The following ZBTB20 variants were observed in gnomAD, a reference collection of about 807,000 sequenced individuals.
The protein encoded by ZBTB20 is zinc finger and BTB domain containing 20, also known as zinc finger and BTB domain-containing protein 20.
In ZBTB20, 9 loss-of-function variants were observed where a neutral mutation model predicts 56.9. The observed-to-expected ratio is 0.16, with a 90% CI of 0.10 to 0.28. ZBTB20 has a LOEUF of 0.28. Among genes scored for constraint, ZBTB20 ranks in the 10% least tolerant of loss-of-function variants. The probability of loss-of-function intolerance (pLI) is 1.00; values close to 1 mark genes in which losing one functional copy is unlikely to be tolerated. For missense variants in ZBTB20, 655 were observed against 1,003.0 expected, an observed-to-expected ratio of 0.65 and a Z score of 4.69; for synonymous variants, 417 against 420.7, an observed-to-expected ratio of 0.99 and a Z score of 0.11.
chr3:114,755,569 T>C (rs1305987856), intron 5 of ZBTB20, among the ~76,000 whole-genome samples: 1 of 152,220 alleles, frequency 6.6e-6, no homozygotes, highest in Non-Finnish European at 1.5e-5. Flanking sequence ...ATATATGTAT[T>C]TATTTACATG....
chr3:115,056,685 G>A (rs896874949), intron 2 of ZBTB20, among the ~76,000 whole-genome samples: 11 of 152,018 alleles, frequency 7.2e-5, no homozygotes, highest in African/African-American at 2.7e-4. Context: ...GCATCAGGAG[G>A]ATCTTCTGTT....
chr3:114,522,327 AG>A (rs35201400), intron 6 of ZBTB20, among the ~76,000 whole-genome samples: 53,863 of 151,838 alleles, frequency 0.35, 10,543 homozygotes, highest in African/African-American at 0.53. Flanking sequence ...GAGGTTAGGA[AG>A]GGGGTCAATG....
At chr3:114,459,381 T>C (rs1409979184) in intron 7 of ZBTB20, among the ~76,000 whole-genome samples, 3 of 152,168 alleles carry the variant, frequency 2.0e-5, no homozygotes, top group Non-Finnish European at 4.4e-5. Context: ...CATGCTCTTA[T>C]CTGAGAACAA....
rs115390361 is a variant in ZBTB20 at position 114,632,866 on chromosome 3, T to C, written c.-295+60662A>G. 2.7e-3 allele frequency among the ~76,000 whole-genome samples: 411 copies of C among 152,304 alleles called. 1 individual carries two copies. Among genetic ancestry groups the C allele is most frequent in the African/African-American group, 9.4e-3 (390 of 41,576 alleles). ...TGGCACAAGAATCATTCTCTTAATGTCAGGGTTTCCAAGTGGAGGAGACTA... is the reference window on the plus strand; with the variant it reads ...TGGCACAAGAATCATTCTCTTAATGCCAGGGTTTCCAAGTGGAGGAGACTA... On this transcript the variant is annotated intron_variant, in intron 6 of 11. Coordinates refer to ENST00000675478, the MANE Select transcript of ZBTB20 (RefSeq NM_001348800.3).
At chr3:114,692,929 T>C (rs1167936368) in intron 6 of ZBTB20, among the ~76,000 whole-genome samples, 1 of 152,162 alleles carries the variant, frequency 6.6e-6, no homozygotes, top group African/African-American at 2.4e-5. Context: ...TTTATGTCTT[T>C]GAAGGGTATT....
At chr3:115,012,391 G>A (rs967026466) in intron 2 of ZBTB20, among the ~76,000 whole-genome samples, 9 of 151,666 alleles carry the variant, frequency 5.9e-5, no homozygotes, top group Admixed American at 5.9e-4. Flanking sequence ...CCATGCCAAT[G>A]GAAACTAAAA....
In ZBTB20 at chr3:114,593,202, G is replaced by A. The variant is rs75578383; in HGVS notation, c.-294-92811C>T. Among the ~76,000 whole-genome samples, 883 of 152,182 alleles carry A rather than the reference G, an allele frequency of 5.8e-3. 8 individuals are homozygous for A. The highest frequency in any genetic ancestry group is 0.02 in the African/African-American group (839 of 41,540). Reference sequence around the variant, plus strand: ...AGTAGATATTTTGAGGTATTAAAAAGCGTTCTTTTATTAGTGATAACACCT... The same window carrying A: ...AGTAGATATTTTGAGGTATTAAAAAACGTTCTTTTATTAGTGATAACACCT... On this transcript the variant is annotated intron_variant, in intron 6 of 11. Transcript: ENST00000675478.
intron 2 of ZBTB20, among the ~76,000 whole-genome samples, chr3:115,064,522 G>C (rs933410182): frequency 7.0e-6 from 1 of 141,962 alleles, no homozygotes; most frequent in African/African-American, 2.6e-5. Flanking sequence ...CAAAATCTTG[G>C]CTCACTGCAA....
At chr3:114,756,962 T>A (rs2068050673) in intron 5 of ZBTB20, among the ~76,000 whole-genome samples, 1 of 152,180 alleles carries the variant, frequency 6.6e-6, no homozygotes, top group Non-Finnish European at 1.5e-5. Flanking sequence ...ATAATGTCAA[T>A]TTTCACTTTA....
intron 6 of ZBTB20, among the ~76,000 whole-genome samples, chr3:114,656,165 TC>T (rs1443971135): frequency 6.6e-6 from 1 of 152,218 alleles, no homozygotes; most frequent in Non-Finnish European, 1.5e-5. Context: ...GTTTGATTAT[TC>T]CCCTGTAGGT....
In ZBTB20 at chr3:114,339,464, G is replaced by A. The variant is rs140818770; in HGVS notation, c.1805-38C>T. On this transcript the variant is annotated intron_variant, in intron 11 of 11. Transcript: ENST00000675478. The surrounding 1 kb of genome is among the most constrained non-coding windows in gnomAD (Gnocchi z 4.2). Reference sequence around the variant, plus strand: ...GAAGAGACAGCAAGCAGGACAGAGCGAGACATAGCAAGGGATAGAGAATGA... The same window carrying A: ...GAAGAGACAGCAAGCAGGACAGAGCAAGACATAGCAAGGGATAGAGAATGA... 3.5e-5 allele frequency: 56 copies of A among 1,586,492 alleles called. No homozygotes were observed. The African/African-American group carries it at 3.8e-4, about 11-fold the overall frequency.
intron 3 of ZBTB20, among the ~76,000 whole-genome samples, chr3:114,945,674 T>C (rs577318639): frequency 1.4e-5 from 2 of 145,602 alleles, no homozygotes; most frequent in South Asian, 2.1e-4. Flanking sequence ...AGTAAGATGA[T>C]AGAATTAAAT....
chr3:115,018,141 T>A (rs1394899165), intron 2 of ZBTB20, among the ~76,000 whole-genome samples: 1 of 151,504 alleles, frequency 6.6e-6, no homozygotes, highest in Non-Finnish European at 1.5e-5. Flanking sequence ...GCTAATATTT[T>A]CCATTAGTAA....
chr3:114,366,186 C>G (rs756513888), intron 10 of ZBTB20, among the ~76,000 whole-genome samples: 4 of 152,220 alleles, frequency 2.6e-5, no homozygotes, highest in African/African-American at 7.2e-5. Context: ...AACAAGTACG[C>G]TGCTAGAATT....
intron 3 of ZBTB20, among the ~76,000 whole-genome samples, chr3:114,925,044 C>T (rs571533869): frequency 1.4e-4 from 20 of 140,570 alleles, no homozygotes; most frequent in South Asian, 2.2e-4. Flanking sequence ...AGTGCAGTGG[C>T]GCAATCTCGG....
At chr3:114,580,472 C>G (rs1244713733) in intron 6 of ZBTB20, among the ~76,000 whole-genome samples, 1 of 151,660 alleles carries the variant, frequency 6.6e-6, no homozygotes, top group Non-Finnish European at 1.5e-5. Context: ...CTATCCTATT[C>G]ACACTATACT....
chr3:114,402,091 A>G (rs2086872156), intron 7 of ZBTB20, among the ~76,000 whole-genome samples: 1 of 152,318 alleles, frequency 6.6e-6, no homozygotes, highest in East Asian at 1.9e-4. Context: ...GTCTAGAACC[A>G]GAGAAGAAAA....
chr3:114,417,200 AAATT>A (rs1179701551), intron 7 of ZBTB20, among the ~76,000 whole-genome samples: 1 of 152,112 alleles, frequency 6.6e-6, no homozygotes, highest in East Asian at 1.9e-4. Flanking sequence ...CAACTTAAAT[AAATT>A]AAGTAAGTAA....
chr3:114,739,901 T>C (rs1444052238), intron 5 of ZBTB20, among the ~76,000 whole-genome samples: 2 of 152,220 alleles, frequency 1.3e-5, no homozygotes, highest in Non-Finnish European at 2.9e-5. Context: ...TCTGTATCTA[T>C]GAGATATTTT....
Sources: allele counts gnomAD v4.1 joint callset (sites outside exome capture counted in the v4.1 genomes callset), GRCh38; gene constraint gnomAD v4.1.1; non-coding constraint Gnocchi (gnomAD v3.1); transcripts MANE v1.5; gene names NCBI Gene and HGNC (gene_info 2026-07-23, HGNC 2026-07-21).